Variants in DYSF observed in about 807,000 individuals in gnomAD.
The protein encoded by DYSF is dysferlin.
DYSF carries 212 observed loss-of-function variants against 274.9 expected under a neutral mutation model. That is an observed-to-expected ratio of 0.77 (90% CI 0.69 to 0.86). The LOEUF (loss-of-function observed/expected upper bound fraction) is 0.86. DYSF is among the 40% of genes least tolerant of loss of function. The pLI is 0.00. For synonymous variants in DYSF, 1,091 were observed against 1,078.7 expected (o/e 1.01, Z -0.22); for missense variants, 2,666 against 2,783.2 (o/e 0.96, Z 0.95).
At position 71,686,646 on chromosome 2, in the gene DYSF, C is replaced by T. The variant is rs2095359337; in HGVS notation, c.*154C>T. 2.4e-6 allele frequency: 2 copies of T among 850,910 alleles called. No individual in the cohort carries two copies. The highest frequency in any genetic ancestry group is 2.5e-5 in the East Asian group (1 of 39,792). The allele number at this position is 850,910 out of a possible 1,614,324, so 52.7% of individuals were successfully genotyped here. A position where few individuals can be genotyped will look rare whatever the true frequency, so the allele number is the denominator to read the frequency against. On this transcript the variant is annotated 3_prime_UTR_variant, in exon 56 of 56. Coordinates refer to ENST00000410020, the MANE Select transcript of DYSF (RefSeq NM_001130987.2). ...AGACAGATGGACCGGCCCACACTCC[C>T]AGAGTTGCTAACATGGAGCTCTGAG...
At chr2:71,567,855 C>A in intron 24 of DYSF, 96 bp from the exon 25 acceptor site, 1 of 1,543,658 alleles carries the variant, frequency 6.5e-7, no homozygotes, top group Non-Finnish European at 8.8e-7. Context: ...TCAGCCTGCT[C>A]TACCCAGGCT....
chr2:71,667,662 G>A, intron 48 of DYSF, 147 bp downstream of exon 48: 1 of 1,291,800 alleles, frequency 7.7e-7, no homozygotes, highest in Non-Finnish European at 1.1e-6. Flanking sequence ...TCTGAGTGCG[G>A]CCATGGTTGG....
intron 3 of DYSF, among the ~76,000 whole-genome samples, chr2:71,500,124 T>C (rs2084825670): frequency 6.6e-6 from 1 of 152,146 alleles, no homozygotes. Context: ...TAGAGGCCCC[T>C]GGATAAAGCC....
chr2:71,584,308 C>T (rs904655610), intron 30 of DYSF, among the ~76,000 whole-genome samples: 4 of 152,112 alleles, frequency 2.6e-5, no homozygotes, highest in Non-Finnish European at 4.4e-5. Flanking sequence ...TGGCCTTGTC[C>T]ACCTGGCCAA....
At chr2:71,625,684 TA>T (rs201281403) in intron 41 of DYSF, among the ~76,000 whole-genome samples, 1 of 151,968 alleles carries the variant, frequency 6.6e-6, no homozygotes, top group African/African-American at 2.4e-5. Context: ...CTTGTCAACT[TA>T]AAAAAAAGTT....
At position 71,596,791 on chromosome 2, in the gene DYSF, G is replaced by A. The variant is rs1263522687; in HGVS notation, c.3575-1773G>A. Among the ~76,000 whole-genome samples the A allele has an allele frequency of 2.0e-5, 3 of 152,328 alleles. No individual in the cohort carries two copies. The East Asian group carries it at 5.8e-4, about 29-fold the overall frequency. On this transcript the variant is annotated intron_variant, in intron 32 of 55. Coordinates refer to ENST00000410020, the MANE Select transcript of DYSF (RefSeq NM_001130987.2). ...CCTCCATGATTTGTGCCTGATGGCTGTCAGGCTGATCCCAGGCTGGTGGCT... is the reference window on the plus strand; with the variant it reads ...CCTCCATGATTTGTGCCTGATGGCTATCAGGCTGATCCCAGGCTGGTGGCT...
At chr2:71,558,454 C>T (rs949754299) in intron 22 of DYSF, among the ~76,000 whole-genome samples, 1 of 152,194 alleles carries the variant, frequency 6.6e-6, no homozygotes, top group African/African-American at 2.4e-5. Flanking sequence ...ATCCCCGGGG[C>T]CCCAGATCCC....
intron 1 of DYSF, among the ~76,000 whole-genome samples, chr2:71,475,809 C>A (rs1044073735): frequency 5.3e-5 from 8 of 152,136 alleles, no homozygotes; most frequent in Non-Finnish European, 7.4e-5. Flanking sequence ...TGCTCTGTTG[C>A]CCAGGCTGGA....
chr2:71,627,590 C>A (rs2094230817), intron 41 of DYSF, among the ~76,000 whole-genome samples: 1 of 152,072 alleles, frequency 6.6e-6, no homozygotes, highest in South Asian at 2.1e-4. Context: ...GCATTTAGAA[C>A]AGGCTTGTTA....
rs1168024300 is a variant in DYSF at position 71,656,269 on chromosome 2, A to G, written c.4734A>G (p.Pro1578=). 1 of 1,614,056 alleles carries G rather than the reference A, an allele frequency of 6.2e-7. No homozygotes were observed. The highest frequency in any genetic ancestry group is 8.5e-7 in the Non-Finnish European group (1 of 1,180,044). ...RGKTQEETED[P]SVIGEFKGLF... Reference sequence around the variant, plus strand: ...AGACGCAGGAGGAGACAGAAGATCCATCTGTGATTGGTGAATTTAAGGTAA... The same window carrying G: ...AGACGCAGGAGGAGACAGAAGATCCGTCTGTGATTGGTGAATTTAAGGTAA... The change falls in exon 43 of 56, where the codon CCA becomes CCG. Residue 1578 remains proline, a synonymous_variant. Coordinates refer to ENST00000410020, the MANE Select transcript of DYSF (RefSeq NM_001130987.2).
chr2:71,475,770 G>A (rs2082349978), intron 1 of DYSF, among the ~76,000 whole-genome samples: 1 of 152,082 alleles, frequency 6.6e-6, no homozygotes, highest in East Asian at 1.9e-4. Flanking sequence ...TTTCCTAAGA[G>A]ATTATTTTAT....
At chr2:71,599,998 C>T (rs1220295292) in intron 33 of DYSF, among the ~76,000 whole-genome samples, 1 of 151,788 alleles carries the variant, frequency 6.6e-6, no homozygotes, top group South Asian at 2.1e-4. Flanking sequence ...GGCCCTGGCA[C>T]CTTCGGAGCA....
Position 71,600,581 on chromosome 2 carries a change from G to T in DYSF, c.3757-121G>T, listed in dbSNP as rs756770272. The T allele has an allele frequency of 1.5e-5, 21 of 1,364,454 alleles. No individual in the cohort carries two copies. The South Asian group carries it at 2.5e-4, about 16-fold the overall frequency. 84.5% of individuals were successfully genotyped at this position (1,364,454 alleles called of 1,614,324 possible). ...GCAGAATTCACCATTCTGTGGGAGG[G>T]GGTGCCCTTACTACTGAGGCCCTTT... is the stretch of plus-strand genomic sequence containing the variant. On this transcript the variant is annotated intron_variant, in intron 33 of 55. Coordinates refer to ENST00000410020, the MANE Select transcript of DYSF (RefSeq NM_001130987.2).
rs1205276954 is a variant in DYSF at position 71,473,099 on chromosome 2, G to A, written c.91+6166G>A. Among the ~76,000 whole-genome samples the A allele has an allele frequency of 2.0e-5, 3 of 152,254 alleles. No individual in the cohort carries two copies. The East Asian group carries it at 5.8e-4, about 29-fold the overall frequency. Reference sequence around the variant, plus strand: ...GAAGGTGGGGTGGAGGGTGGTTGACGGGGAGAGGAGCAGTGCTCTGCTGAT... The same window carrying A: ...GAAGGTGGGGTGGAGGGTGGTTGACAGGGAGAGGAGCAGTGCTCTGCTGAT... On this transcript the variant is annotated intron_variant, in intron 1 of 55. Transcript: ENST00000410020.
In DYSF at chr2:71,513,447, ACTTGGCG is replaced by A. The variant is rs2086314960; in HGVS notation, c.553+116_553+122del. 3 of 1,155,392 alleles carry A rather than the reference ACTTGGCG, an allele frequency of 2.6e-6. No homozygotes were observed. The South Asian group carries it at 4.5e-5, about 17-fold the overall frequency. The allele number at this position is 1,155,392 out of a possible 1,614,324, so 71.6% of individuals were successfully genotyped here. A position where few individuals can be genotyped will look rare whatever the true frequency, so the allele number is the denominator to read the frequency against. ...GGTGGCAGAGGACTCCTCCTGCAGG[ACTTGGCG>A]GGTGGGAGGGCTAGGGCCATTCTGT... On this transcript the variant is annotated intron_variant, in intron 6 of 55. Coordinates refer to ENST00000410020, the MANE Select transcript of DYSF (RefSeq NM_001130987.2).
At chr2:71,526,187 G>C (rs370084779) in intron 12 of DYSF, 33 bp from the exon 13 acceptor site, 1 of 1,614,114 alleles carries the variant, frequency 6.2e-7, no homozygotes, top group Non-Finnish European at 8.5e-7. Context: ...GCTCAGGAGC[G>C]CATGAAGGAA....
intron 4 of DYSF, among the ~76,000 whole-genome samples, chr2:71,508,318 C>T (rs570802483): frequency 1.2e-4 from 19 of 152,270 alleles, no homozygotes; most frequent in Admixed American, 2.6e-4. Context: ...GCCTTCCAAA[C>T]GATGAAATTA....
At chr2:71,683,698 A>T (rs1170005723) in intron 55 of DYSF, among the ~76,000 whole-genome samples, 1 of 152,132 alleles carries the variant, frequency 6.6e-6, no homozygotes, top group African/African-American at 2.4e-5. Context: ...TGTGATTCCC[A>T]CTTCAGGCCT....
chr2:71,462,284 G>A (rs2081315431), upstream of DYSF, among the ~76,000 whole-genome samples: 1 of 152,180 alleles, frequency 6.6e-6, no homozygotes, highest in African/African-American at 2.4e-5. Context: ...ACAGGCACTG[G>A]CTCTGTGCCA....
Sources: gnomAD v4.1 joint callset for allele counts (sites outside exome capture counted in the v4.1 genomes callset) on GRCh38, gnomAD v4.1.1 for gene constraint, MANE v1.5 for transcripts, NCBI Gene and HGNC (gene_info 2026-07-23, HGNC 2026-07-21) for gene names.